Variants in RICTOR observed in about 807,000 individuals in gnomAD.
The protein encoded by RICTOR is rapamycin-insensitive companion of mTOR.
A neutral mutation model predicts 214.9 loss-of-function variants in RICTOR; 49 were observed. The observed-to-expected ratio is 0.23, with a 90% CI of 0.18 to 0.29. The LOEUF (loss-of-function observed/expected upper bound fraction) is 0.29, where lower values mean the gene tolerates loss of function less well. Among genes scored for constraint, RICTOR ranks in the 10% least tolerant of loss-of-function variants. The pLI is 1.00. For missense variants in RICTOR, 1,625 were observed against 2,047.0 expected (o/e 0.79, Z 3.98); for synonymous variants, 717 against 711.3 (o/e 1.01, Z -0.13).
chr5:38,967,813 T>C, intron 12 of RICTOR, 130 bp downstream of exon 12: 1 of 557,738 alleles, frequency 1.8e-6, no homozygotes, highest in South Asian at 3.0e-5. Context: ...TTATATTAAT[T>C]TCCTGTCACA....
rs1016491613 is a variant in RICTOR, at chr5:39,042,628, T to C, written c.98-21492A>G. Among the ~76,000 whole-genome samples the C allele has an allele frequency of 2.0e-5, 3 of 152,358 alleles. No individual in the cohort carries two copies. In the South Asian group the frequency reaches 6.2e-4, roughly 32 times the overall value. ...TACCTTCAGTGTTCATACCGGTTTA[T>C]AATTACACACTTAATTGTATAATTA... is the stretch of plus-strand genomic sequence containing the variant. On this transcript the variant is annotated intron_variant, in intron 2 of 37. Transcript: ENST00000357387.
intron 3 of RICTOR, among the ~76,000 whole-genome samples, chr5:39,020,744 GAGT>G (rs1348135036): frequency 2.0e-5 from 3 of 152,176 alleles, no homozygotes; most frequent in African/African-American, 7.2e-5. Context: ...CAAGTAAAAT[GAGT>G]AGAAGGCAAA....
chr5:38,947,576 C>T lies in RICTOR; in HGVS notation c.4137-135G>A, dbSNP rs1205472677. On this transcript the variant is annotated intron_variant, in intron 31 of 37. Coordinates refer to ENST00000357387, the MANE Select transcript of RICTOR (RefSeq NM_152756.5). ...GTATTAAGCAGTGTCATCTTGTTTA[C>T]TGGCAACACATAAACACTTTAAAAT... The T allele has an allele frequency of 1.1e-5, 7 of 634,216 alleles. No homozygotes were observed. In the South Asian group the frequency reaches 1.5e-4, roughly 14 times the overall value. The allele number at this position is 634,216 out of a possible 1,614,324, so 39.3% of individuals were successfully genotyped here.
intron 2 of RICTOR, among the ~76,000 whole-genome samples, chr5:39,045,418 T>C (rs1322530052): frequency 2.0e-5 from 3 of 152,066 alleles, no homozygotes; most frequent in Non-Finnish European, 4.4e-5. Flanking sequence ...CTAAAAGCAA[T>C]TATTAAACAT....
At chr5:38,972,842 T>C (rs934132350) in intron 10 of RICTOR, among the ~76,000 whole-genome samples, 8 of 150,932 alleles carry the variant, frequency 5.3e-5, no homozygotes, top group African/African-American at 1.9e-4. Flanking sequence ...TAAAGGAGCT[T>C]TGAATAGTCA....
At position 38,939,107 on chromosome 5, in the gene RICTOR, T is replaced by C. The variant is rs79483477; in HGVS notation, c.*3197A>G. The stretch of plus-strand genomic sequence containing the variant: ...AGTTATAATTTGAATGACAGACAAT[T>C]TGGTTTTTATTGCTTAATGATCTGT... On this transcript the variant is annotated 3_prime_UTR_variant, in exon 38 of 38. Transcript: ENST00000357387. 4.0e-3 allele frequency: 941 copies of C among 233,066 alleles called. 10 individuals are homozygous for C. The highest frequency in any genetic ancestry group is 0.019 in the African/African-American group (883 of 45,440). 14.4% of individuals were successfully genotyped at this position (233,066 alleles called of 1,614,324 possible). A position where few individuals can be genotyped will look rare whatever the true frequency, so the allele number is the denominator to read the frequency against.
chr5:39,025,941 T>C (rs1031956655), intron 2 of RICTOR, among the ~76,000 whole-genome samples: 9 of 152,104 alleles, frequency 5.9e-5, no homozygotes, highest in Non-Finnish European at 1.3e-4. Flanking sequence ...CCACTTAAAG[T>C]AGTGAGCAAG....
intron 2 of RICTOR, among the ~76,000 whole-genome samples, chr5:39,070,619 C>A (rs10067706): frequency 0.1 from 15,928 of 152,152 alleles, 936 homozygotes; most frequent in Middle Eastern, 0.15. Context: ...TTATAAAATT[C>A]AACTATACTT....
At chr5:39,044,340 T>G (rs1226889922) in intron 2 of RICTOR, among the ~76,000 whole-genome samples, 1 of 152,178 alleles carries the variant, frequency 6.6e-6, no homozygotes, top group Non-Finnish European at 1.5e-5. Flanking sequence ...TATTGTCCTT[T>G]TATAGTAAAC....
rs561796217 is a variant in RICTOR at position 38,990,548 on chromosome 5, G to A, written c.583+401C>T. 2.7e-3 allele frequency among the ~76,000 whole-genome samples: 112 copies of A among 41,848 alleles called. 7 individuals carry two copies. The South Asian group carries it at 0.05, about 19-fold the overall frequency. The allele number at this position is 41,848 out of a possible 152,430, so 27.5% of individuals were successfully genotyped here. A position where few individuals can be genotyped will look rare whatever the true frequency, so the allele number is the denominator to read the frequency against. ...TACGATATATATACGATATATACAC[G>A]ATATACACGATATATACACGATATA... On this transcript the variant is annotated intron_variant, in intron 7 of 37. Coordinates refer to ENST00000357387, the MANE Select transcript of RICTOR (RefSeq NM_152756.5).
chr5:39,016,224 A>T (rs1354963182), intron 3 of RICTOR, among the ~76,000 whole-genome samples: 3 of 152,072 alleles, frequency 2.0e-5, no homozygotes, highest in Admixed American at 2.0e-4. Context: ...GTAAAACAAA[A>T]AACAAACAAG....
intron 3 of RICTOR, among the ~76,000 whole-genome samples, chr5:39,004,776 C>CCT (rs1753906874): frequency 9.5e-6 from 1 of 105,816 alleles, no homozygotes; most frequent in South Asian, 3.1e-4. Flanking sequence ...CTCTCAGACT[C>CCT]TTTTTTTTTT....
chr5:39,072,368 C>T (rs1759382037), intron 2 of RICTOR, among the ~76,000 whole-genome samples: 1 of 152,136 alleles, frequency 6.6e-6, no homozygotes, highest in Admixed American at 6.5e-5. Context: ...TACCTAAGCT[C>T]TTCCACAACT....
intron 3 of RICTOR, among the ~76,000 whole-genome samples, chr5:39,004,194 G>A (rs542543730): frequency 6.6e-6 from 1 of 152,192 alleles, no homozygotes; most frequent in African/African-American, 2.4e-5. Flanking sequence ...TTTACCTGAA[G>A]AACTCTGTTG....
At chr5:39,053,763 G>C (rs981274441) in intron 2 of RICTOR, among the ~76,000 whole-genome samples, 7 of 149,456 alleles carry the variant, frequency 4.7e-5, no homozygotes, top group African/African-American at 1.8e-4. Flanking sequence ...GAGGTGGCGG[G>C]CGCCTGTAGT....
chr5:38,999,263 C>T (rs1039050257), intron 5 of RICTOR, among the ~76,000 whole-genome samples: 1 of 150,994 alleles, frequency 6.6e-6, no homozygotes, highest in East Asian at 1.9e-4. Context: ...GATGGAGTAC[C>T]AATCAATAGG....
At chr5:38,994,046 A>C (rs998571109) in intron 6 of RICTOR, among the ~76,000 whole-genome samples, 21 of 151,864 alleles carry the variant, frequency 1.4e-4, no homozygotes, top group Non-Finnish European at 1.6e-4. Context: ...AAAAATTAGC[A>C]GGGCGTGGTG....
chr5:39,057,878 C>CA (rs1339574982), intron 2 of RICTOR, among the ~76,000 whole-genome samples: 1 of 152,092 alleles, frequency 6.6e-6, no homozygotes, highest in Non-Finnish European at 1.5e-5. Flanking sequence ...AATTAATACT[C>CA]ATAGTTAATT....
intron 14 of RICTOR, 133 bp downstream of exon 14, chr5:38,967,028 T>C: frequency 1.4e-6 from 1 of 731,526 alleles, no homozygotes; most frequent in Non-Finnish European, 2.4e-6. Flanking sequence ...CTCGAACTCC[T>C]GGCCTGAAGT....
Sources: allele counts gnomAD v4.1 joint callset (sites outside exome capture counted in the v4.1 genomes callset), GRCh38; gene constraint gnomAD v4.1.1; transcripts MANE v1.5; gene names NCBI Gene and HGNC (gene_info 2026-07-23, HGNC 2026-07-21).